Variants in DHRSX observed in about 807,000 individuals in gnomAD.
The protein encoded by DHRSX is polyprenol dehydrogenase.
DHRSX carries 31 observed loss-of-function variants against 34.0 expected under a neutral mutation model. That is an observed-to-expected ratio of 0.91 (90% CI 0.69 to 1.23). DHRSX has a LOEUF of 1.23. Among genes scored for constraint, DHRSX ranks in the 50% most tolerant of loss-of-function variants. The pLI, the probability that DHRSX is intolerant of heterozygous loss-of-function variation, is 0.00. For synonymous variants in DHRSX, 201 were observed against 183.8 expected (o/e 1.09, Z -0.76); for missense variants, 414 against 428.1 (o/e 0.97, Z 0.29).
At chrX:2,223,733 G>C (rs2124391923) in intron 6 of DHRSX, among the ~76,000 whole-genome samples, 1 of 152,022 alleles carries the variant, frequency 6.6e-6, no homozygotes, top group South Asian at 2.1e-4. Flanking sequence ...TCTGTTTCAT[G>C]CTTCTCTCTT....
chrX:2,311,061 CAAAA>C (rs33965542), intron 3 of DHRSX, among the ~76,000 whole-genome samples: 4 of 130,980 alleles, frequency 3.1e-5, no homozygotes, highest in Non-Finnish European at 1.6e-5. Flanking sequence ...CACTCTGTGT[CAAAA>C]AAAAAAAAAA....
chrX:2,428,941 T>C (rs1195378260), intron 1 of DHRSX, among the ~76,000 whole-genome samples: 3 of 152,298 alleles, frequency 2.0e-5, no homozygotes, highest in South Asian at 2.1e-4. Context: ...ATATAATCTG[T>C]TATTTGTCAG....
At chrX:2,322,005 G>C (rs1223798837) in intron 3 of DHRSX, among the ~76,000 whole-genome samples, 1 of 151,982 alleles carries the variant, frequency 6.6e-6, no homozygotes, top group African/African-American at 2.4e-5. Flanking sequence ...AGTGATTGGG[G>C]TACTGGTGGT....
intron 3 of DHRSX, among the ~76,000 whole-genome samples, chrX:2,317,274 C>A: frequency 4.7e-5 from 1 of 21,124 alleles, no homozygotes; most frequent in Non-Finnish European, 9.3e-5. Context: ...TTTTTTGAGA[C>A]AGAGTCTTGC....
intron 3 of DHRSX, among the ~76,000 whole-genome samples, chrX:2,401,436 C>G (rs1241386904): frequency 3.3e-5 from 5 of 152,150 alleles, no homozygotes; most frequent in Non-Finnish European, 7.4e-5. Context: ...TCAGAAGATG[C>G]TGTTTGTGAT....
At chrX:2,341,100 C>T (rs1436681519) in intron 3 of DHRSX, among the ~76,000 whole-genome samples, 3 of 151,952 alleles carry the variant, frequency 2.0e-5, no homozygotes, top group East Asian at 1.9e-4. Flanking sequence ...TTAGGGTGCA[C>T]GGGTTTACTG....
chrX:2,269,220 C>T (rs2041516232), intron 4 of DHRSX, among the ~76,000 whole-genome samples: 1 of 152,152 alleles, frequency 6.6e-6, no homozygotes, highest in South Asian at 2.1e-4. Context: ...TTTTCCTATG[C>T]ATATGCATTT....
chrX:2,495,876 A>G (rs1268684328), intron 1 of DHRSX, among the ~76,000 whole-genome samples: 1 of 152,048 alleles, frequency 6.6e-6, no homozygotes, highest in Non-Finnish European at 1.5e-5. Flanking sequence ...TGTGCCTCAC[A>G]TGACTCTTAC....
chrX:2,389,115 T>C (rs927139626), intron 3 of DHRSX, among the ~76,000 whole-genome samples: 1 of 152,200 alleles, frequency 6.6e-6, no homozygotes, highest in African/African-American at 2.4e-5. Context: ...GACCAGAGCA[T>C]TAGAAGCGCC....
chrX:2,489,921 C>T (rs752160933), intron 1 of DHRSX: 6 of 1,613,838 alleles, frequency 3.7e-6, no homozygotes, highest in Non-Finnish European at 5.1e-6. Context: ...TTGGTGGTGG[C>T]CCCGAAGACC....
chrX:2,329,193 G>A (rs1287001951), intron 3 of DHRSX, among the ~76,000 whole-genome samples: 1 of 152,112 alleles, frequency 6.6e-6, no homozygotes, highest in African/African-American at 2.4e-5. Flanking sequence ...CCTAAGTAAT[G>A]CCTGGTGGTT....
chrX:2,450,921 T>C (rs28684423), intron 1 of DHRSX, among the ~76,000 whole-genome samples: 81,783 of 151,542 alleles, frequency 0.54, 23,549 homozygotes, highest in African/African-American at 0.74. Context: ...ATGGGATCAG[T>C]GTCCTTATAA....
At chrX:2,308,887 G>GGAAA (rs2042131657) in intron 3 of DHRSX, among the ~76,000 whole-genome samples, 1 of 139,210 alleles carries the variant, frequency 7.2e-6, no homozygotes, top group Admixed American at 7.5e-5. Flanking sequence ...GGTGGAAACG[G>GGAAA]GGAAGGAAGG....
intron 3 of DHRSX, among the ~76,000 whole-genome samples, chrX:2,344,118 G>A (rs2042672757): frequency 6.6e-6 from 1 of 152,168 alleles, no homozygotes; most frequent in South Asian, 2.1e-4. Flanking sequence ...CTCTGACCTT[G>A]CACCACTCAT....
At position 2,221,070 on chromosome X, in the gene DHRSX, T is replaced by C. The variant is rs2015508933; in HGVS notation, c.964A>G (p.Met322Val). The change falls in exon 7 of 7, where the codon ATG becomes GTG. Residue 322 changes from methionine (M) to valine (V), a missense_variant. Transcript: ENST00000334651. ...AGGGTCACATCAAGGACCCCAGTCA[T>C]CTCACAACTCTTAGACCACAGCTGC... ...QQQLWSKSCE[M>V]TGVLDVTL 6.2e-7 allele frequency: 1 copy of C among 1,613,766 alleles called. No homozygotes were observed. Among genetic ancestry groups the C allele is most frequent in the South Asian group, 1.1e-5 (1 of 91,070 alleles).
intron 4 of DHRSX, among the ~76,000 whole-genome samples, chrX:2,276,966 A>AG (rs1388458283): frequency 1.7e-3 from 11 of 6,416 alleles, no homozygotes; most frequent in Non-Finnish European, 1.8e-3. Context: ...GAGAAGGAAG[A>AG]GGAGGAAATG....
intron 1 of DHRSX, chrX:2,489,439 G>T (rs763995348): frequency 1.2e-6 from 2 of 1,613,918 alleles, no homozygotes; most frequent in East Asian, 4.5e-5. Flanking sequence ...TCAGGAGCAT[G>T]TGCAGCAGCG....
intron 3 of DHRSX, among the ~76,000 whole-genome samples, chrX:2,304,147 G>GAACT (rs1186835269): frequency 2.7e-5 from 4 of 145,844 alleles, no homozygotes; most frequent in African/African-American, 7.7e-5. Context: ...ATGAATGGAT[G>GAACT]GATGGATGGA....
At chrX:2,456,237 G>T (rs908720619) in intron 1 of DHRSX, among the ~76,000 whole-genome samples, 3 of 152,166 alleles carry the variant, frequency 2.0e-5, no homozygotes, top group Admixed American at 1.3e-4. Context: ...CAGGGACAAA[G>T]TCGACACCAC....
Sources: gnomAD v4.1 joint callset for allele counts (sites outside exome capture counted in the v4.1 genomes callset) on GRCh38, gnomAD v4.1.1 for gene constraint, MANE v1.5 for transcripts, NCBI Gene and HGNC (gene_info 2026-07-23, HGNC 2026-07-21) for gene names.